Variants in DYNC2H1 observed in about 807,000 individuals in gnomAD.
DYNC2H1 encodes dynein cytoplasmic 2 heavy chain 1.
In DYNC2H1, 410 loss-of-function variants were observed where a neutral mutation model predicts 570.0. That is an observed-to-expected ratio of 0.72 (90% confidence interval 0.66 to 0.78). The LOEUF is 0.78. DYNC2H1 is among the 30% of genes least tolerant of loss of function. DYNC2H1 has a pLI of 0.00. For synonymous variants in DYNC2H1, 1,688 were observed against 1,677.6 expected (o/e 1.01, Z -0.15); for missense variants, 4,865 against 5,046.4 (o/e 0.96, Z 1.09).
intron 17 of DYNC2H1, among the ~76,000 whole-genome samples, chr11:103,140,307 C>T (rs1315474485): frequency 1.3e-5 from 2 of 152,214 alleles, no homozygotes; most frequent in Non-Finnish European, 2.9e-5. Context: ...TTCCTAGGCT[C>T]GATGGTCTTT....
At position 103,115,182 on chromosome 11, in the gene DYNC2H1, C is replaced by T. The variant is rs550735709; in HGVS notation, c.508C>T (p.Leu170Phe). 3.1e-6 allele frequency: 5 copies of T among 1,606,850 alleles called. No individual in the cohort carries two copies. In the South Asian group the frequency reaches 4.5e-5, roughly 14 times the overall value. Residue 170 changes from leucine (L) to phenylalanine (F), a missense_variant, in exon 4 of 89, where the codon CTT becomes TTT. By Grantham distance (22) the Leu-to-Phe change is conservative (BLOSUM62 0). Around this residue, in one of 5 missense-constraint regions of DYNC2H1, gnomAD observed 1,936 missense variants for 1,962.1 expected, o/e 0.99. Transcript: ENST00000375735. ...TCCCCTCTTGACTTTTATAGGTATCCTTACACCAAGCGATGAGTTCCAGTT... is the reference window on the plus strand; with the variant it reads ...TCCCCTCTTGACTTTTATAGGTATCTTTACACCAAGCGATGAGTTCCAGTT... ...KFKEDDTRGI[L>F]TPSDEFQFWI...
intron 82 of DYNC2H1, among the ~76,000 whole-genome samples, chr11:103,341,272 T>A (rs1370293837): frequency 6.6e-6 from 1 of 152,246 alleles, no homozygotes; most frequent in Non-Finnish European, 1.5e-5. Flanking sequence ...TAGAATTTGT[T>A]TCCATAAGAT....
intron 82 of DYNC2H1, among the ~76,000 whole-genome samples, chr11:103,343,501 G>T (rs1332363942): frequency 6.6e-6 from 1 of 152,112 alleles, no homozygotes; most frequent in Non-Finnish European, 1.5e-5. Context: ...AGCCCCATCG[G>T]GGGTGGGGAG....
At chr11:103,143,950 A>G (rs930416154) in intron 18 of DYNC2H1, among the ~76,000 whole-genome samples, 4 of 152,362 alleles carry the variant, frequency 2.6e-5, no homozygotes, top group East Asian at 1.9e-4. Context: ...GTAATCATGC[A>G]TATGTCACCT....
At chr11:103,141,314 GT>G (rs1382309227) in intron 17 of DYNC2H1, among the ~76,000 whole-genome samples, 7 of 152,046 alleles carry the variant, frequency 4.6e-5, no homozygotes, top group Non-Finnish European at 8.8e-5. Flanking sequence ...TTTCTGCTCT[GT>G]TTTTTTCCCC....
rs753063162 is a variant in DYNC2H1, at chr11:103,436,019, C to T, written c.12443C>T (p.Ala4148Val). The T allele has an allele frequency of 3.1e-6, 5 of 1,612,302 alleles. No individual in the cohort carries two copies. The South Asian group carries it at 4.4e-5, about 14-fold the overall frequency. ...LQYLRGLVAR[A>V]LAIQNWVDKA... ...TACCTGAGAGGTCTTGTTGCCCGTGCCCTTGCAATACAGGTATGCCTAAAT... is the reference window on the plus strand; with the variant it reads ...TACCTGAGAGGTCTTGTTGCCCGTGTCCTTGCAATACAGGTATGCCTAAAT... The change falls in exon 85 of 89, where the codon GCC becomes GTC. Residue 4148 changes from alanine to valine, a missense_variant. Coordinates refer to ENST00000375735, the MANE Select transcript of DYNC2H1 (RefSeq NM_001377.3).
chr11:103,139,281 T>C (rs1859758017), intron 17 of DYNC2H1, among the ~76,000 whole-genome samples: 1 of 150,548 alleles, frequency 6.6e-6, no homozygotes, highest in African/African-American at 2.4e-5. Flanking sequence ...GCTCTTGCTT[T>C]TCTAGTTCTT....
At chr11:103,368,137 A>T (rs1940995257) in intron 83 of DYNC2H1, among the ~76,000 whole-genome samples, 1 of 152,132 alleles carries the variant, frequency 6.6e-6, no homozygotes, top group Admixed American at 6.5e-5. Context: ...CAGTAGTGAG[A>T]GTGTGGGTAG....
chr11:103,405,335 AT>A (rs1446282932), intron 84 of DYNC2H1: 1 of 151,942 alleles, frequency 6.6e-6, no homozygotes. Flanking sequence ...AGGGTTTTAT[AT>A]TAAATTGTGG....
intron 17 of DYNC2H1, among the ~76,000 whole-genome samples, chr11:103,139,425 G>A (rs752387580): frequency 0.033 from 5,025 of 151,780 alleles, 271 homozygotes; most frequent in African/African-American, 0.11. Context: ...CTTTGTTCTC[G>A]TTGGTTTCAA....
Position 103,129,196 on chromosome 11 carries a change from T to C in DYNC2H1, c.1953+191T>C, listed in dbSNP as rs1385744158. 1.3e-5 allele frequency among the ~76,000 whole-genome samples: 2 copies of C among 152,238 alleles called. No homozygotes were observed. The highest frequency in any genetic ancestry group is 3.8e-4 in the East Asian group (2 of 5,204). On this transcript the variant is annotated intron_variant, in intron 13 of 88. Transcript: ENST00000375735. This position sits in a 1 kb window ranked among gnomAD's most constrained non-coding sequence, Gnocchi z 4.1. ...AGGTTTAAGTGGTTAGAATATTTCA[T>C]ATATTTTGGTACTGATTTCGATCAA...
intron 52 of DYNC2H1, among the ~76,000 whole-genome samples, chr11:103,207,441 A>C (rs1315225596): frequency 6.6e-6 from 1 of 152,058 alleles, no homozygotes; most frequent in African/African-American, 2.4e-5. Context: ...ATCATTTGTG[A>C]TAACAGGAAA....
chr11:103,148,231 G>T (rs532535631), intron 19 of DYNC2H1, among the ~76,000 whole-genome samples: 1 of 152,008 alleles, frequency 6.6e-6, no homozygotes, highest in Admixed American at 6.6e-5. Context: ...TTGTATAAAA[G>T]ACGAAAAATG....
intron 83 of DYNC2H1, among the ~76,000 whole-genome samples, chr11:103,397,040 GTACTT>G (rs1051145082): frequency 6.6e-6 from 1 of 152,136 alleles, no homozygotes; most frequent in East Asian, 1.9e-4. Context: ...TAGGTGATAA[GTACTT>G]TAAAAGTGTG....
At chr11:103,462,590 A>G (rs1945054482) in intron 87 of DYNC2H1, among the ~76,000 whole-genome samples, 1 of 152,200 alleles carries the variant, frequency 6.6e-6, no homozygotes, top group Non-Finnish European at 1.5e-5. Context: ...AGAGGCTTCA[A>G]TTAGGTCTAT....
At chr11:103,285,797 A>G (rs1014163526) in intron 73 of DYNC2H1, among the ~76,000 whole-genome samples, 1 of 152,152 alleles carries the variant, frequency 6.6e-6, no homozygotes, top group Non-Finnish European at 1.5e-5. Flanking sequence ...TCTTATTAAA[A>G]TAGGATACAA....
intron 59 of DYNC2H1, among the ~76,000 whole-genome samples, chr11:103,229,484 T>C (rs1254766313): frequency 6.6e-6 from 1 of 152,224 alleles, no homozygotes; most frequent in East Asian, 1.9e-4. Flanking sequence ...CTTGTATACT[T>C]TTTGCTTCTT....
chr11:103,152,558 A>G (rs866622123), intron 21 of DYNC2H1, among the ~76,000 whole-genome samples: 1 of 152,130 alleles, frequency 6.6e-6, no homozygotes, highest in Non-Finnish European at 1.5e-5. Context: ...CCTACTATGT[A>G]TGGCTTATTG....
intron 66 of DYNC2H1, among the ~76,000 whole-genome samples, 166 bp from the exon 67 acceptor site, chr11:103,255,249 A>T (rs1865007405): frequency 6.6e-6 from 1 of 152,138 alleles, no homozygotes; most frequent in Admixed American, 6.6e-5. Flanking sequence ...CTTTTTCATC[A>T]GATGTAATTG....
Sources: allele counts gnomAD v4.1 joint callset (sites outside exome capture counted in the v4.1 genomes callset), GRCh38; gene constraint gnomAD v4.1.1; regional missense constraint gnomAD v4.1.1; non-coding constraint Gnocchi (gnomAD v3.1); transcripts MANE v1.5; gene names NCBI Gene and HGNC (gene_info 2026-07-23, HGNC 2026-07-21).